The following KCNH7 variants were observed in gnomAD, a reference collection of about 807,000 sequenced individuals.
The protein encoded by KCNH7 is voltage-gated inwardly rectifying potassium channel KCNH7.
KCNH7 carries 49 observed loss-of-function variants against 120.8 expected under a neutral mutation model. The ratio of observed to expected loss-of-function variants is 0.41; its 90% CI spans 0.32 to 0.51. The LOEUF is 0.51. KCNH7 is among the 20% of genes least tolerant of loss of function. KCNH7 has a pLI of 0.38. For synonymous variants in KCNH7, 547 were observed against 516.1 expected (o/e 1.06, Z -0.81); for missense variants, 1,097 against 1,446.6 (o/e 0.76, Z 3.92).
Position 162,838,605 on chromosome 2 carries a change from C to T in KCNH7, c.-87G>A. 9.7e-7 allele frequency: 1 copy of T among 1,028,452 alleles called. No individual in the cohort carries two copies. Among genetic ancestry groups the T allele is most frequent in the South Asian group, 1.5e-5 (1 of 66,480 alleles). 63.7% of individuals were successfully genotyped at this position (1,028,452 alleles called of 1,614,324 possible). The stretch of plus-strand genomic sequence containing the variant: ...CTCGGCTAGAGCCCAGGCCAGCGCG[C>T]GAGCCGCTCTTTGTGGCAGAGCATC... On this transcript the variant is annotated 5_prime_UTR_variant, in exon 1 of 16. Coordinates refer to ENST00000332142, the MANE Select transcript of KCNH7 (RefSeq NM_033272.4).
chr2:162,776,705 G>A (rs1683254770), intron 2 of KCNH7, among the ~76,000 whole-genome samples: 2 of 152,090 alleles, frequency 1.3e-5, no homozygotes, highest in African/African-American at 4.8e-5. Context: ...TGACTGTACT[G>A]CATTCCATAA....
chr2:162,648,769 C>T (rs914070884), intron 2 of KCNH7, among the ~76,000 whole-genome samples: 4 of 151,660 alleles, frequency 2.6e-5, no homozygotes, highest in Non-Finnish European at 4.4e-5. Flanking sequence ...ACCTTTACCA[C>T]CCCCCCAAAA....
At chr2:162,447,073 T>C (rs74464135) in intron 6 of KCNH7, among the ~76,000 whole-genome samples, 216 of 152,190 alleles carry the variant, frequency 1.4e-3, no homozygotes, top group African/African-American at 4.7e-3. Flanking sequence ...CCGGGACAAA[T>C]ACACTTGCAT....
At chr2:162,746,414 A>G (rs1264502586) in intron 2 of KCNH7, among the ~76,000 whole-genome samples, 2 of 152,158 alleles carry the variant, frequency 1.3e-5, no homozygotes, top group Non-Finnish European at 2.9e-5. Flanking sequence ...TATCTTTAAA[A>G]TATTTATAGT....
intron 10 of KCNH7, among the ~76,000 whole-genome samples, chr2:162,398,464 G>A (rs1157159842): frequency 6.6e-6 from 1 of 151,880 alleles, no homozygotes; most frequent in Non-Finnish European, 1.5e-5. Context: ...ATCATAATTT[G>A]TAAGGATTTT....
chr2:162,392,291 C>T (rs73014843), intron 12 of KCNH7, among the ~76,000 whole-genome samples: 12,813 of 150,374 alleles, frequency 0.085, 1,750 homozygotes, highest in African/African-American at 0.29. Flanking sequence ...TGTGTGTGTG[C>T]GCATGTGTGT....
intron 2 of KCNH7, among the ~76,000 whole-genome samples, chr2:162,761,110 T>C (rs569845782): frequency 6.6e-6 from 1 of 152,230 alleles, no homozygotes; most frequent in African/African-American, 2.4e-5. Context: ...CTTCTGGTCA[T>C]ATGACACATA....
At chr2:162,776,916 A>G (rs1683261715) in intron 2 of KCNH7, among the ~76,000 whole-genome samples, 1 of 151,972 alleles carries the variant, frequency 6.6e-6, no homozygotes, top group South Asian at 2.1e-4. Context: ...TTAGACTATA[A>G]GAAGTTTCAT....
At chr2:162,542,950 T>C (rs1314980707) in intron 2 of KCNH7, among the ~76,000 whole-genome samples, 2 of 152,038 alleles carry the variant, frequency 1.3e-5, no homozygotes, top group African/African-American at 4.8e-5. Context: ...ATAACTCTTA[T>C]GCAAAATCAT....
intron 2 of KCNH7, among the ~76,000 whole-genome samples, chr2:162,594,847 G>C (rs984898768): frequency 5.3e-5 from 8 of 151,900 alleles, no homozygotes; most frequent in Non-Finnish European, 1.2e-4. Flanking sequence ...GTGGACTTTG[G>C]TATCCATGAG....
intron 2 of KCNH7, among the ~76,000 whole-genome samples, chr2:162,654,518 A>T (rs1260321981): frequency 1.3e-5 from 2 of 152,148 alleles, no homozygotes; most frequent in African/African-American, 4.8e-5. Context: ...AAGAATGGGG[A>T]GAAAAGGAAA....
In KCNH7 at chr2:162,446,350, C is replaced by G. The variant is rs1688574393; in HGVS notation, c.1222G>C (p.Ala408Pro). The G allele has an allele frequency of 6.2e-7, 1 of 1,613,472 alleles. No individual in the cohort carries two copies. The highest frequency in any genetic ancestry group is 1.7e-5 in the Admixed American group (1 of 59,938). Reference protein sequence around the residue: ...FTILHYSPFKAVWDWLILLLV... With the variant: ...FTILHYSPFKPVWDWLILLLV... ...AGCAGGATAAGCCAGTCCCAGACTG[C>G]CTTGAAAGGGCTGTAGTGCAATATC... Residue 408 changes from alanine (A) to proline (P), a missense_variant, in exon 7 of 16, where the codon GCA (alanine) becomes CCA (proline). Ala to Pro is a conservative substitution (Grantham distance 27). This residue lies in a region of KCNH7 where 109 missense variants were observed against 196.8 expected (regional missense o/e 0.55). Transcript: ENST00000332142.
chr2:162,469,942 C>T (rs751433417), intron 6 of KCNH7, among the ~76,000 whole-genome samples: 27 of 152,238 alleles, frequency 1.8e-4, no homozygotes, highest in Non-Finnish European at 3.5e-4. Context: ...CTCCTGACCG[C>T]GAGTGATCCG....
chr2:162,705,319 T>C (rs1686658989), intron 2 of KCNH7, among the ~76,000 whole-genome samples: 1 of 152,144 alleles, frequency 6.6e-6, no homozygotes, highest in Admixed American at 6.6e-5. Context: ...TGGAATGGTA[T>C]ATTTTAAAGT....
chr2:162,741,510 C>T (rs1322315946), intron 2 of KCNH7, among the ~76,000 whole-genome samples: 1 of 151,892 alleles, frequency 6.6e-6, no homozygotes, highest in Non-Finnish European at 1.5e-5. Context: ...CTATGTGCTA[C>T]ATATTAAATA....
At chr2:162,630,388 G>A (rs1461915609) in intron 2 of KCNH7, among the ~76,000 whole-genome samples, 1 of 151,804 alleles carries the variant, frequency 6.6e-6, no homozygotes, top group Non-Finnish European at 1.5e-5. Context: ...GAGTTAGATG[G>A]GAGAAGTACA....
intron 2 of KCNH7, among the ~76,000 whole-genome samples, chr2:162,770,899 C>T (rs1175288658): frequency 1.3e-5 from 2 of 152,130 alleles, no homozygotes; most frequent in Admixed American, 6.6e-5. Context: ...AATTTCTCCT[C>T]ACTGTCATAC....
At chr2:162,559,981 G>A (rs564855802) in intron 2 of KCNH7, among the ~76,000 whole-genome samples, 13 of 152,264 alleles carry the variant, frequency 8.5e-5, no homozygotes, top group African/African-American at 3.1e-4. Flanking sequence ...AACCACAGTG[G>A]GCATTCGTAT....
intron 9 of KCNH7, among the ~76,000 whole-genome samples, chr2:162,419,750 T>C (rs969866468): frequency 1.3e-5 from 2 of 152,180 alleles, no homozygotes; most frequent in African/African-American, 2.4e-5. Context: ...ATATGGACCA[T>C]GGTCATTGGA....
Sources: allele counts gnomAD v4.1 joint callset (sites outside exome capture counted in the v4.1 genomes callset), GRCh38; gene constraint gnomAD v4.1.1; regional missense constraint gnomAD v4.1.1; transcripts MANE v1.5; gene names NCBI Gene and HGNC (gene_info 2026-07-23, HGNC 2026-07-21).